The following ADAMTSL3 variants were observed in gnomAD, a reference collection of about 807,000 sequenced individuals.
ADAMTSL3 encodes ADAMTS like 3.
ADAMTSL3 carries 128 observed loss-of-function variants against 201.7 expected under a neutral mutation model. The observed-to-expected ratio is 0.63, with a 90% CI of 0.55 to 0.73. ADAMTSL3 has a LOEUF of 0.73. ADAMTSL3 is among the 30% of genes least tolerant of loss of function. The probability of loss-of-function intolerance (pLI) is 0.00; values close to 1 mark genes in which losing one functional copy is unlikely to be tolerated. For missense variants in ADAMTSL3, 1,990 were observed against 2,119.6 expected, an observed-to-expected ratio of 0.94 and a Z score of 1.20; for synonymous variants, 738 against 748.4, an observed-to-expected ratio of 0.99 and a Z score of 0.23.
At chr15:83,963,067 G>A (rs906413153) in intron 19 of ADAMTSL3, among the ~76,000 whole-genome samples, 8 of 152,168 alleles carry the variant, frequency 5.3e-5, no homozygotes, top group African/African-American at 1.9e-4. Flanking sequence ...AGGGCCCATG[G>A]GTTTCAAGCA....
intron 13 of ADAMTSL3, among the ~76,000 whole-genome samples, chr15:83,896,257 A>G (rs1413815257): frequency 6.6e-6 from 1 of 152,210 alleles, no homozygotes; most frequent in African/African-American, 2.4e-5. Flanking sequence ...CATAGCAGGT[A>G]ACCAAAGGCA....
rs112684896 is a variant in ADAMTSL3 at position 83,892,709 on chromosome 15, T to C, written c.1288T>C (p.Cys430Arg). The change falls in exon 13 of 30, where the codon TGT becomes CGT. Residue 430 changes from cysteine to arginine, a missense_variant. Transcript: ENST00000286744. ...CTGGGAACATAATCCTTGGACTGCA[T>C]GTTCCGTGTCCTGTGGAGGAGGGAT... ...PRWEHNPWTA[C>R]SVSCGGGIQR... is the part of the protein sequence containing the mutation. 3 of 1,613,994 alleles carry C rather than the reference T, an allele frequency of 1.9e-6. No homozygotes were observed. Among genetic ancestry groups the C allele is most frequent in the Non-Finnish European group, 1.7e-6 (2 of 1,179,968 alleles).
At chr15:83,821,132 A>C (rs944826433) in intron 6 of ADAMTSL3, among the ~76,000 whole-genome samples, 5 of 151,920 alleles carry the variant, frequency 3.3e-5, no homozygotes, top group Admixed American at 3.3e-4. Flanking sequence ...GATGGCAGGG[A>C]AATTATAGGA....
chr15:83,686,547 G>A (rs2061538395), intron 2 of ADAMTSL3, among the ~76,000 whole-genome samples: 2 of 152,182 alleles, frequency 1.3e-5, no homozygotes, highest in Admixed American at 1.3e-4. Context: ...TCTATGTGGT[G>A]TTCTTGCAGT....
chr15:84,021,449 C>A lies in ADAMTSL3; in HGVS notation c.4313C>A (p.Ala1438Asp). Residue 1438 changes from alanine (A) to aspartate (D), a missense_variant, in exon 26 of 30, where the codon GCC becomes GAC. Ala to Asp is a moderately radical substitution (Grantham distance 126, BLOSUM62 -2). Coordinates refer to ENST00000286744, the MANE Select transcript of ADAMTSL3 (RefSeq NM_207517.3). ...WEPGNWSHCSATCGHLGARIQ... is the reference protein window; with the variant it reads ...WEPGNWSHCSDTCGHLGARIQ... ...CCTGGTAACTGGTCACATTGTTCTG[C>A]CACCTGTGGTCATTTGGGAGCCCGC... 6.2e-7 allele frequency: 1 copy of A among 1,614,118 alleles called. No homozygotes were observed.
chr15:83,682,505 A>G (rs1288057091), intron 2 of ADAMTSL3, among the ~76,000 whole-genome samples: 1 of 152,160 alleles, frequency 6.6e-6, no homozygotes. Flanking sequence ...TCTCTGAGAT[A>G]TGTTAGGTCT....
chr15:83,945,200 T>C (rs542324353), intron 19 of ADAMTSL3, among the ~76,000 whole-genome samples: 18 of 152,040 alleles, frequency 1.2e-4, no homozygotes, highest in Admixed American at 2.0e-4. Flanking sequence ...TCTATCCAAC[T>C]CACAAGCAGC....
At chr15:83,924,697 G>A (rs2066215499) in intron 17 of ADAMTSL3, among the ~76,000 whole-genome samples, 1 of 152,132 alleles carries the variant, frequency 6.6e-6, no homozygotes, top group African/African-American at 2.4e-5. Flanking sequence ...TGTGTCCCTG[G>A]TGCTGCTGGC....
chr15:83,793,774 T>C (rs897328300), intron 4 of ADAMTSL3, among the ~76,000 whole-genome samples: 4 of 152,090 alleles, frequency 2.6e-5, no homozygotes, highest in Non-Finnish European at 5.9e-5. Context: ...TGTTGATTTT[T>C]AAAAGATATT....
At chr15:83,887,755 A>G (rs1289670613) in intron 10 of ADAMTSL3, among the ~76,000 whole-genome samples, 1 of 151,264 alleles carries the variant, frequency 6.6e-6, no homozygotes, top group Non-Finnish European at 1.5e-5. Flanking sequence ...ATGCCTGGCT[A>G]ATTTTTAAAG....
chr15:83,970,695 G>A (rs903310026), intron 20 of ADAMTSL3, 58 bp downstream of exon 20: 16 of 1,587,518 alleles, frequency 1.0e-5, no homozygotes, highest in African/African-American at 8.1e-5. Flanking sequence ...ATTTTGTCCC[G>A]ATGTCTTTAT....
chr15:83,957,687 A>G (rs2066887321), intron 19 of ADAMTSL3, among the ~76,000 whole-genome samples: 1 of 152,212 alleles, frequency 6.6e-6, no homozygotes, highest in African/African-American at 2.4e-5. Flanking sequence ...GAAGAAGCAT[A>G]TTCAGAAAGT....
At chr15:83,784,247 T>G (rs968851466) in intron 4 of ADAMTSL3, among the ~76,000 whole-genome samples, 1 of 152,218 alleles carries the variant, frequency 6.6e-6, no homozygotes, top group African/African-American at 2.4e-5. Context: ...CTTACACTTT[T>G]GTCTTAGACT....
intron 2 of ADAMTSL3, among the ~76,000 whole-genome samples, chr15:83,662,782 T>C (rs1230387899): frequency 6.6e-6 from 1 of 152,108 alleles, no homozygotes; most frequent in Non-Finnish European, 1.5e-5. Flanking sequence ...TACTTCTTCC[T>C]TTTATTTCTT....
At chr15:83,785,647 A>C (rs1039965327) in intron 4 of ADAMTSL3, among the ~76,000 whole-genome samples, 2 of 152,144 alleles carry the variant, frequency 1.3e-5, no homozygotes, top group Non-Finnish European at 2.9e-5. Context: ...GTACAGATTT[A>C]GATCCTTCTC....
chr15:83,965,442 A>T (rs2142106821), intron 19 of ADAMTSL3, among the ~76,000 whole-genome samples: 1 of 152,138 alleles, frequency 6.6e-6, no homozygotes. Flanking sequence ...AAAGAAGGGT[A>T]TTACATAATG....
rs1455526090 is a variant in ADAMTSL3 at position 83,799,860 on chromosome 15, G to T, written c.318-4790G>T. ...AAAACTTGTAAGTAATATTTCTGCAGCTTAGTTGCTTTGGCCCAAAGGAAT... is the reference window on the plus strand; with the variant it reads ...AAAACTTGTAAGTAATATTTCTGCATCTTAGTTGCTTTGGCCCAAAGGAAT... On this transcript the variant is annotated intron_variant, in intron 4 of 29. Coordinates refer to ENST00000286744, the MANE Select transcript of ADAMTSL3 (RefSeq NM_207517.3). Among the ~76,000 whole-genome samples the T allele has an allele frequency of 2.0e-5, 3 of 152,182 alleles. No individual in the cohort carries two copies. The East Asian group carries it at 5.8e-4, about 29-fold the overall frequency.
At chr15:83,752,260 A>G (rs1437579813) in intron 3 of ADAMTSL3, among the ~76,000 whole-genome samples, 1 of 152,184 alleles carries the variant, frequency 6.6e-6, no homozygotes, top group Non-Finnish European at 1.5e-5. Flanking sequence ...ATTTTTTGGT[A>G]TAGCCTTAGC....
rs1157198460 is a variant in ADAMTSL3, at chr15:83,906,622, CCACACACACACACACACACACACACACA to C, written c.1701-6441_1701-6414del. 1.4e-4 allele frequency among the ~76,000 whole-genome samples: 11 copies of C among 79,040 alleles called. No individual in the cohort carries two copies. The South Asian group carries it at 4.9e-3, about 35-fold the overall frequency. 51.9% of individuals were successfully genotyped at this position (79,040 alleles called of 152,430 possible). A position where few individuals can be genotyped will look rare whatever the true frequency, so the allele number is the denominator to read the frequency against. On this transcript the variant is annotated intron_variant, in intron 15 of 29. Coordinates refer to ENST00000286744, the MANE Select transcript of ADAMTSL3 (RefSeq NM_207517.3). The stretch of plus-strand genomic sequence containing the variant: ...CTATATATTTATATAGTGCCACACA[CCACACACACACACACACACACACACACA>C]CACACACACACACACACACACACAC...
Sources: gnomAD v4.1 joint callset for allele counts (sites outside exome capture counted in the v4.1 genomes callset) on GRCh38, gnomAD v4.1.1 for gene constraint, MANE v1.5 for transcripts, NCBI Gene and HGNC (gene_info 2026-07-23, HGNC 2026-07-21) for gene names.